The following TYR variants were observed in gnomAD, a reference collection of about 807,000 sequenced individuals.
The protein encoded by TYR is tyrosinase.
Under a neutral mutation model 51.5 loss-of-function variants are expected in TYR, and 58 were observed. The ratio of observed to expected loss-of-function variants is 1.13; its 90% CI spans 0.91 to 1.40. TYR has a LOEUF of 1.40. TYR is among the 40% of genes most tolerant of loss of function. The pLI, the probability that TYR is intolerant of heterozygous loss-of-function variation, is 0.00. For synonymous variants in TYR, 263 were observed against 235.2 expected, an observed-to-expected ratio of 1.12 and a Z score of -1.08; for missense variants, 732 against 647.4, an observed-to-expected ratio of 1.13 and a Z score of -1.42.
At chr11:89,213,679 T>C (rs1279781213) in intron 2 of TYR, among the ~76,000 whole-genome samples, 1 of 152,166 alleles carries the variant, frequency 6.6e-6, no homozygotes, top group East Asian at 1.9e-4. Flanking sequence ...TCATGCTACC[T>C]GACTTCAAGC....
intron 3 of TYR, among the ~76,000 whole-genome samples, chr11:89,265,547 G>T (rs931756641): frequency 6.6e-6 from 1 of 151,996 alleles, no homozygotes; most frequent in African/African-American, 2.4e-5. Flanking sequence ...ATTTCAAAAT[G>T]TTCACTATCA....
chr11:89,182,384 G>C (rs1487615058), intron 1 of TYR, among the ~76,000 whole-genome samples: 1 of 152,018 alleles, frequency 6.6e-6, no homozygotes, highest in Non-Finnish European at 1.5e-5. Flanking sequence ...CAATGCCAAG[G>C]ATACAACAAT....
At chr11:89,179,483 G>T (rs2135243279) in intron 1 of TYR, among the ~76,000 whole-genome samples, 1 of 152,016 alleles carries the variant, frequency 6.6e-6, no homozygotes, top group East Asian at 1.9e-4. Flanking sequence ...GCTCTTATCA[G>T]TCTTTCCCTA....
intron 1 of TYR, among the ~76,000 whole-genome samples, chr11:89,180,237 A>G (rs1943283711): frequency 6.6e-6 from 1 of 152,156 alleles, no homozygotes; most frequent in African/African-American, 2.4e-5. Flanking sequence ...TCTAGCTCTT[A>G]TATCCTCTGT....
At chr11:89,269,939 A>G (rs894035508) in intron 3 of TYR, among the ~76,000 whole-genome samples, 2 of 151,920 alleles carry the variant, frequency 1.3e-5, no homozygotes, top group African/African-American at 4.8e-5. Flanking sequence ...CAGTAAAAGT[A>G]GGCTGTCTAT....
In TYR at chr11:89,229,470, AC is replaced by A. The variant is rs755959757; in HGVS notation, c.1184+1503del. ...TTTGCCATTTTTAATATCTAGAACT[AC>A]CCAGTGAACTCTAAAGATTTAAGTA... is the stretch of plus-strand genomic sequence containing the variant. On this transcript the variant is annotated intron_variant, in intron 3 of 4. Transcript: ENST00000263321. Among the ~76,000 whole-genome samples, 231 of 152,058 alleles carry A rather than the reference AC, an allele frequency of 1.5e-3. 3 individuals are homozygous for A. Among genetic ancestry groups the A allele is most frequent in the Non-Finnish European group, 2.6e-4 (18 of 67,954 alleles).
intron 2 of TYR, among the ~76,000 whole-genome samples, chr11:89,205,119 G>A (rs1943655504): frequency 6.6e-6 from 1 of 151,900 alleles, no homozygotes; most frequent in Non-Finnish European, 1.5e-5. Context: ...AGTTACCAAA[G>A]TAAAAGTCTC....
At position 89,178,361 on chromosome 11, in the gene TYR, C is replaced by A; in HGVS notation, c.408C>A (p.Ala136=). 3 of 1,614,136 alleles carry A rather than the reference C, an allele frequency of 1.9e-6. No individual in the cohort carries two copies. The highest frequency in any genetic ancestry group is 2.5e-6 in the Non-Finnish European group (3 of 1,180,026). The change falls in exon 1 of 5, where the codon GCC becomes GCA. Residue 136 remains alanine, a synonymous_variant. Transcript: ENST00000263321. ...LSAPEKDKFF[A]YLTLAKHTIS... The stretch of plus-strand genomic sequence containing the variant: ...CCCCAGAGAAGGACAAATTTTTTGC[C>A]TACCTCACTTTAGCAAAGCATACCA...
intron 2 of TYR, among the ~76,000 whole-genome samples, chr11:89,198,518 G>A (rs1026864773): frequency 6.6e-6 from 1 of 151,850 alleles, no homozygotes; most frequent in East Asian, 1.9e-4. Flanking sequence ...TAACCACATT[G>A]GTATTCTGAT....
chr11:89,288,370 A>C (rs1287825365), intron 4 of TYR, among the ~76,000 whole-genome samples: 1 of 151,952 alleles, frequency 6.6e-6, no homozygotes, highest in African/African-American at 2.4e-5. Context: ...CTGCACAGAG[A>C]AGAGGGTTCC....
intron 3 of TYR, among the ~76,000 whole-genome samples, chr11:89,235,646 A>T (rs1944101259): frequency 6.6e-6 from 1 of 152,170 alleles, no homozygotes; most frequent in Non-Finnish European, 1.5e-5. Context: ...AGGAAATAGA[A>T]TCGTAGTATC....
chr11:89,241,934 T>C (rs1228124477), intron 3 of TYR, among the ~76,000 whole-genome samples: 1 of 150,640 alleles, frequency 6.6e-6, no homozygotes, highest in African/African-American at 2.4e-5. Context: ...AAAGAAAAAA[T>C]AATTCACTTT....
intron 2 of TYR, among the ~76,000 whole-genome samples, chr11:89,194,851 A>G (rs1387301361): frequency 6.6e-6 from 1 of 152,186 alleles, no homozygotes; most frequent in African/African-American, 2.4e-5. Context: ...TTTTTAAAAC[A>G]CACATTCTCT....
chr11:89,271,156 C>T (rs996030024), intron 3 of TYR, among the ~76,000 whole-genome samples: 4 of 151,760 alleles, frequency 2.6e-5, no homozygotes, highest in Non-Finnish European at 4.4e-5. Context: ...AACATCTATA[C>T]TTACTCTATG....
chr11:89,209,169 G>T (rs1002181653), intron 2 of TYR, among the ~76,000 whole-genome samples: 1 of 152,218 alleles, frequency 6.6e-6, no homozygotes, highest in Non-Finnish European at 1.5e-5. Flanking sequence ...GGGGTTGGGG[G>T]ATTTCCCTTT....
At chr11:89,241,154 T>G (rs2135291360) in intron 3 of TYR, among the ~76,000 whole-genome samples, 1 of 152,256 alleles carries the variant, frequency 6.6e-6, no homozygotes, top group South Asian at 2.1e-4. Flanking sequence ...GCTCTTCAAC[T>G]TGGATGGTGG....
At position 89,267,662 on chromosome 11, in the gene TYR, C is replaced by T. The variant is rs577885340; in HGVS notation, c.1185-17111C>T. 6.6e-5 allele frequency among the ~76,000 whole-genome samples: 10 copies of T among 152,092 alleles called. No homozygotes were observed. The South Asian group carries it at 1.4e-3, about 22-fold the overall frequency. ...TTATCAACTGTGTACAGGCACGATT[C>T]TCTTTTCTATGGACATAGCAGTGAA... is the stretch of plus-strand genomic sequence containing the variant. On this transcript the variant is annotated intron_variant, in intron 3 of 4. Coordinates refer to ENST00000263321, the MANE Select transcript of TYR (RefSeq NM_000372.5).
intron 3 of TYR, among the ~76,000 whole-genome samples, chr11:89,238,061 C>A (rs565444101): frequency 1.3e-5 from 2 of 152,164 alleles, no homozygotes; most frequent in Non-Finnish European, 2.9e-5. Flanking sequence ...GTCTCGAACT[C>A]CTGACCTCAA....
At chr11:89,294,954 T>C (rs1944890108) in intron 4 of TYR, among the ~76,000 whole-genome samples, 189 bp from the exon 5 acceptor site, 1 of 152,142 alleles carries the variant, frequency 6.6e-6, no homozygotes, top group African/African-American at 2.4e-5. Flanking sequence ...TATTTTCCCA[T>C]TTTTCTGATG....
Sources: gnomAD v4.1 joint callset for allele counts (sites outside exome capture counted in the v4.1 genomes callset) on GRCh38, gnomAD v4.1.1 for gene constraint, MANE v1.5 for transcripts, NCBI Gene and HGNC (gene_info 2026-07-23, HGNC 2026-07-21) for gene names.